The following EYS variants were observed in gnomAD, a reference collection of about 807,000 sequenced individuals.
EYS encodes the protein EGF-like photoreceptor maintenance factor.
Under a neutral mutation model 282.1 loss-of-function variants are expected in EYS, and 250 were observed. The observed-to-expected ratio is 0.89, with a 90% CI of 0.80 to 0.98. EYS has a LOEUF of 0.98. EYS is among the 50% of genes least tolerant of loss of function. The pLI is 0.00. For synonymous variants in EYS, 1,355 were observed against 1,282.9 expected (o/e 1.06, Z -1.20); for missense variants, 4,016 against 3,709.0 (o/e 1.08, Z -2.15).
At chr6:65,282,690 G>A (rs192873648) in intron 12 of EYS, among the ~76,000 whole-genome samples, 104 of 152,026 alleles carry the variant, frequency 6.8e-4, no homozygotes, top group Non-Finnish European at 1.1e-3. Flanking sequence ...TGATGTCACA[G>A]ATATTAACAA....
At chr6:65,300,554 C>G (rs1768791245) in intron 11 of EYS, among the ~76,000 whole-genome samples, 1 of 152,030 alleles carries the variant, frequency 6.6e-6, no homozygotes, top group African/African-American at 2.4e-5. Flanking sequence ...TGACTTTGGT[C>G]TCTGGCTGTG....
chr6:65,353,722 A>T, intron 8 of EYS, 105 bp from the exon 9 acceptor site: 1 of 896,982 alleles, frequency 1.1e-6, no homozygotes, highest in Non-Finnish European at 1.8e-6. Context: ...GTGATTATAG[A>T]AAACTTTATG....
At position 64,815,067 on chromosome 6, in the gene EYS, G is replaced by A. The variant is rs147296165; in HGVS notation, c.3244-1490C>T. ...AAAATCATCAGAGAGATTAATTAGC[G>A]TCATCCACAATTAGAAATGAATTGT... On this transcript the variant is annotated intron_variant, in intron 21 of 42. Transcript: ENST00000503581. 6.9e-3 allele frequency among the ~76,000 whole-genome samples: 1,046 copies of A among 151,990 alleles called. 17 individuals are homozygous for A. Among genetic ancestry groups the A allele is most frequent in the Non-Finnish European group, 8.0e-3 (542 of 67,918 alleles).
chr6:65,661,951 G>A (rs1768019122), intron 1 of EYS, among the ~76,000 whole-genome samples: 1 of 152,140 alleles, frequency 6.6e-6, no homozygotes, highest in South Asian at 2.1e-4. Flanking sequence ...AGGATGGAGA[G>A]GCAAGAAGGA....
At chr6:64,887,425 T>TATA (rs1372722898) in intron 18 of EYS, among the ~76,000 whole-genome samples, 2 of 150,868 alleles carry the variant, frequency 1.3e-5, no homozygotes, top group Admixed American at 6.6e-5. Flanking sequence ...AAACTTAAAG[T>TATA]ATAATAATAA....
intron 19 of EYS, among the ~76,000 whole-genome samples, chr6:64,845,566 AG>A (rs1433550477): frequency 6.6e-6 from 1 of 151,360 alleles, no homozygotes; most frequent in Non-Finnish European, 1.5e-5. Flanking sequence ...GCCTACTCCT[AG>A]GCCTTTTCTC....
In EYS at chr6:63,880,475, G is replaced by T. The variant is rs528003381; in HGVS notation, c.7056-16117C>A. Among the ~76,000 whole-genome samples, 65 of 139,248 alleles carry T rather than the reference G, an allele frequency of 4.7e-4. No individual in the cohort carries two copies. In the South Asian group the frequency reaches 0.014, roughly 30 times the overall value. The allele number at this position is 139,248 out of a possible 152,430, so 91.4% of individuals were successfully genotyped here. A position where few individuals can be genotyped will look rare whatever the true frequency, so the allele number is the denominator to read the frequency against. ...TATATCTCTGTCTATCTGTCTGTCTGTCTGTCTGTCTGTATCTATCTATCT... is the reference window on the plus strand; with the variant it reads ...TATATCTCTGTCTATCTGTCTGTCTTTCTGTCTGTCTGTATCTATCTATCT... On this transcript the variant is annotated intron_variant, in intron 35 of 42. Coordinates refer to ENST00000503581, the MANE Select transcript of EYS (RefSeq NM_001142800.2).
chr6:64,753,276 C>T (rs191996510), intron 22 of EYS, among the ~76,000 whole-genome samples: 2 of 152,102 alleles, frequency 1.3e-5, no homozygotes, highest in Middle Eastern at 3.4e-3. Flanking sequence ...CAAGTGTTCA[C>T]TTAAAAGATA....
At position 65,330,332 on chromosome 6, in the gene EYS, G is replaced by A. The variant is rs184431324; in HGVS notation, c.1766+4648C>T. ...ATATTTCTGGTAGCAAGTAGGGATT[G>A]GTGACTTAGACATAAATTTGAGGCT... On this transcript the variant is annotated intron_variant, in intron 11 of 42. Coordinates refer to ENST00000503581, the MANE Select transcript of EYS (RefSeq NM_001142800.2). 73 of 979,320 alleles carry A rather than the reference G, an allele frequency of 7.5e-5. 2 individuals carry two copies. Among genetic ancestry groups the A allele is most frequent in the African/African-American group, 6.7e-4 (38 of 57,130 alleles). 60.7% of individuals were successfully genotyped at this position (979,320 alleles called of 1,614,324 possible). A position where few individuals can be genotyped will look rare whatever the true frequency, so the allele number is the denominator to read the frequency against.
At chr6:65,167,192 A>C (rs1208081946) in intron 12 of EYS, among the ~76,000 whole-genome samples, 2 of 151,208 alleles carry the variant, frequency 1.3e-5, no homozygotes, top group Non-Finnish European at 3.0e-5. Context: ...CCTAAGAAAA[A>C]TGACAACATA....
chr6:65,404,823 A>T (rs1477026045), intron 6 of EYS, among the ~76,000 whole-genome samples: 1 of 152,002 alleles, frequency 6.6e-6, no homozygotes, highest in Non-Finnish European at 1.5e-5. Context: ...ATGAAAAGAC[A>T]GTAATTTGTG....
chr6:64,748,328 A>G (rs1280154804), intron 22 of EYS, among the ~76,000 whole-genome samples: 1 of 152,232 alleles, frequency 6.6e-6, no homozygotes, highest in African/African-American at 2.4e-5. Flanking sequence ...ACCAGCGACC[A>G]GCTTCATGGA....
Position 63,781,019 on chromosome 6 carries a change from T to G in EYS, c.7724-2839A>C, listed in dbSNP as rs190485885. On this transcript the variant is annotated intron_variant, in intron 39 of 42. Transcript: ENST00000503581. ...ATTAAGTAGGGAATCCTTTCCCAAT[T>G]TCTTGTTTTTATCAGATTTGTCAAA... Among the ~76,000 whole-genome samples the G allele has an allele frequency of 1.2e-3, 181 of 152,322 alleles. 2 individuals carry two copies. The highest frequency in any genetic ancestry group is 0.011 in the Admixed American group (163 of 15,300).
At chr6:64,321,143 C>T (rs1032333422) in intron 29 of EYS, among the ~76,000 whole-genome samples, 3 of 151,792 alleles carry the variant, frequency 2.0e-5, no homozygotes, top group Middle Eastern at 3.4e-3. Context: ...AGCGTTTATG[C>T]TTCAATGATT....
chr6:64,668,033 A>T (rs1372095438), intron 22 of EYS, among the ~76,000 whole-genome samples: 1 of 152,196 alleles, frequency 6.6e-6, no homozygotes, highest in African/African-American at 2.4e-5. Context: ...TTGCATCTAT[A>T]ATAACTTCTC....
At chr6:65,568,936 C>T (rs762740422) in intron 2 of EYS, among the ~76,000 whole-genome samples, 1 of 152,116 alleles carries the variant, frequency 6.6e-6, no homozygotes, top group Non-Finnish European at 1.5e-5. Context: ...CCAAACTGTC[C>T]TTGTTCATCC....
chr6:64,407,905 G>T (rs1055305651), intron 28 of EYS, among the ~76,000 whole-genome samples: 1 of 151,924 alleles, frequency 6.6e-6, no homozygotes, highest in African/African-American at 2.4e-5. Flanking sequence ...CTAATTTTTT[G>T]TATTTTTAGT....
intron 22 of EYS, among the ~76,000 whole-genome samples, chr6:64,717,065 AT>A (rs1771423717): frequency 6.6e-6 from 1 of 152,190 alleles, no homozygotes; most frequent in East Asian, 1.9e-4. Flanking sequence ...ATTTTAACTC[AT>A]TTTGGCTAGG....
At chr6:64,521,980 C>T (rs1284814291) in intron 26 of EYS, among the ~76,000 whole-genome samples, 1 of 151,640 alleles carries the variant, frequency 6.6e-6, no homozygotes. Flanking sequence ...TACTGAGAGT[C>T]CATGAATGAA....
Sources: gnomAD v4.1 joint callset for allele counts (sites outside exome capture counted in the v4.1 genomes callset) on GRCh38, gnomAD v4.1.1 for gene constraint, MANE v1.5 for transcripts, NCBI Gene and HGNC (gene_info 2026-07-23, HGNC 2026-07-21) for gene names.